FSHR: variants seen among roughly 807,000 people sequenced by gnomAD.
FSHR encodes follicle stimulating hormone receptor.
Under a neutral mutation model 52.1 loss-of-function variants are expected in FSHR, and 46 were observed. The observed-to-expected ratio is 0.88, with a 90% CI of 0.70 to 1.13. FSHR has a LOEUF of 1.13. Among genes scored for constraint, FSHR ranks in the 50% most tolerant of loss-of-function variants. The probability of loss-of-function intolerance (pLI) is 0.00; values close to 1 mark genes in which losing one functional copy is unlikely to be tolerated. For missense variants in FSHR, 964 were observed against 834.6 expected (o/e 1.16, Z -1.91); for synonymous variants, 399 against 309.6 (o/e 1.29, Z -3.03).
In FSHR at chr2:49,145,621, G is replaced by A. The variant is rs998218114; in HGVS notation, c.152+8645C>T. 2.6e-5 allele frequency among the ~76,000 whole-genome samples: 4 copies of A among 152,076 alleles called. No individual in the cohort carries two copies. The South Asian group carries it at 8.3e-4, about 32-fold the overall frequency. On this transcript the variant is annotated intron_variant, in intron 1 of 9. Coordinates refer to ENST00000406846, the MANE Select transcript of FSHR (RefSeq NM_000145.4). Reference sequence around the variant, plus strand: ...AATTAGTTGTCAAATTAGTGATTTCGACAATGACTATTCTGAGTTCTGAGA... The same window carrying A: ...AATTAGTTGTCAAATTAGTGATTTCAACAATGACTATTCTGAGTTCTGAGA...
chr2:49,049,566 C>T (rs185081100), intron 2 of FSHR, among the ~76,000 whole-genome samples: 211 of 152,138 alleles, frequency 1.4e-3, no homozygotes, highest in Non-Finnish European at 2.0e-3. Context: ...TGTGCTCTAC[C>T]AAGCAAGGGA....
At chr2:49,094,408 G>C (rs1242544334) in intron 1 of FSHR, among the ~76,000 whole-genome samples, 3 of 152,116 alleles carry the variant, frequency 2.0e-5, no homozygotes, top group African/African-American at 7.2e-5. Context: ...AGATATTGTA[G>C]ACATTTTGCC....
chr2:49,062,762 T>C (rs1669360935), intron 2 of FSHR, among the ~76,000 whole-genome samples: 1 of 152,024 alleles, frequency 6.6e-6, no homozygotes, highest in South Asian at 2.1e-4. Flanking sequence ...AATAGACATC[T>C]CTCAAAAGAA....
intron 2 of FSHR, among the ~76,000 whole-genome samples, chr2:49,066,463 G>A (rs535537627): frequency 5.3e-5 from 8 of 152,024 alleles, no homozygotes; most frequent in South Asian, 2.1e-4. Context: ...TGAGGAATAC[G>A]CAAGTCTCCT....
intron 9 of FSHR, 147 bp downstream of exon 9, chr2:48,968,551 C>G: frequency 1.1e-6 from 1 of 916,642 alleles, no homozygotes; most frequent in Non-Finnish European, 1.7e-6. Context: ...TCTCCATGAA[C>G]TGAATTTTTG....
intron 1 of FSHR, among the ~76,000 whole-genome samples, chr2:49,126,509 A>G (rs1672002252): frequency 6.6e-6 from 1 of 152,220 alleles, no homozygotes; most frequent in South Asian, 2.1e-4. Flanking sequence ...AGTTTCCAAC[A>G]CATAAACTTT....
intron 4 of FSHR, among the ~76,000 whole-genome samples, chr2:49,005,389 A>G (rs1667043050): frequency 6.6e-6 from 1 of 152,112 alleles, no homozygotes. Flanking sequence ...GATTACTGAT[A>G]AAAAAAGCAA....
chr2:48,989,806 C>A (rs188914880), intron 5 of FSHR, among the ~76,000 whole-genome samples: 1 of 152,102 alleles, frequency 6.6e-6, no homozygotes, highest in Non-Finnish European at 1.5e-5. Flanking sequence ...AGGAAACTCT[C>A]ATTTTCTGTT....
At chr2:49,034,422 C>A (rs550407789) in intron 2 of FSHR, among the ~76,000 whole-genome samples, 4 of 152,266 alleles carry the variant, frequency 2.6e-5, no homozygotes, top group Admixed American at 2.6e-4. Context: ...CCTGTGGATA[C>A]CTTTAGAGCA....
rs186900046 is a variant in FSHR, at chr2:49,137,618, A to G, written c.152+16648T>C. Among the ~76,000 whole-genome samples the G allele has an allele frequency of 8.5e-4, 129 of 152,264 alleles. 1 individual carries two copies. The highest frequency in any genetic ancestry group is 2.8e-3 in the African/African-American group (115 of 41,570). On this transcript the variant is annotated intron_variant, in intron 1 of 9. Coordinates refer to ENST00000406846, the MANE Select transcript of FSHR (RefSeq NM_000145.4). ...GAAATAGTAATGAAGAAAGTGTGAT[A>G]CTGACACAAGGATAGATATATAAGT... is the stretch of plus-strand genomic sequence containing the variant.
intron 4 of FSHR, among the ~76,000 whole-genome samples, chr2:49,015,605 C>T (rs2104204617): frequency 6.6e-6 from 1 of 152,236 alleles, no homozygotes; most frequent in African/African-American, 2.4e-5. Context: ...GAGGTGCATG[C>T]TTTTTCTGTT....
chr2:49,086,534 C>T (rs1013487207), intron 1 of FSHR, among the ~76,000 whole-genome samples: 21 of 152,358 alleles, frequency 1.4e-4, no homozygotes, highest in African/African-American at 4.3e-4. Context: ...ATTCTCACAT[C>T]TGGCTTCATT....
chr2:49,005,215 G>C (rs1175223064), intron 4 of FSHR, among the ~76,000 whole-genome samples: 1 of 152,104 alleles, frequency 6.6e-6, no homozygotes, highest in African/African-American at 2.4e-5. Flanking sequence ...AAGGTAAGCA[G>C]CATGAAAATG....
chr2:49,094,085 C>T (rs1031104416), intron 1 of FSHR, among the ~76,000 whole-genome samples: 13 of 151,796 alleles, frequency 8.6e-5, no homozygotes, highest in Admixed American at 2.0e-4. Flanking sequence ...TCCTTTCTTC[C>T]TTCTTTTGGA....
intron 4 of FSHR, among the ~76,000 whole-genome samples, chr2:48,994,602 A>G (rs955283737): frequency 2.2e-4 from 29 of 133,128 alleles, no homozygotes; most frequent in African/African-American, 7.7e-4. Flanking sequence ...TTTTCAATTC[A>G]TTTTTCCCCT....
At chr2:49,017,398 A>T in intron 4 of FSHR, 91 bp downstream of exon 4, 1 of 947,614 alleles carries the variant, frequency 1.1e-6, no homozygotes, top group Non-Finnish European at 1.7e-6. Flanking sequence ...ATCAAAAGTA[A>T]TTGCTCCCCA....
chr2:49,105,159 G>T (rs1271182423), intron 1 of FSHR, among the ~76,000 whole-genome samples: 2 of 152,086 alleles, frequency 1.3e-5, no homozygotes, highest in Non-Finnish European at 2.9e-5. Flanking sequence ...AAGTTTAAGT[G>T]TGTTTTCACC....
chr2:48,987,367 C>A (rs1224633546), intron 6 of FSHR, among the ~76,000 whole-genome samples: 1 of 151,552 alleles, frequency 6.6e-6, no homozygotes, highest in East Asian at 2.0e-4. Flanking sequence ...CCATGCCCAG[C>A]TAATTTTTTT....
At chr2:49,113,613 G>A (rs188614035) in intron 1 of FSHR, among the ~76,000 whole-genome samples, 30 of 152,082 alleles carry the variant, frequency 2.0e-4, no homozygotes, top group African/African-American at 3.9e-4. Context: ...ACTTTAACCC[G>A]TGAGAACAAC....
Sources: allele counts gnomAD v4.1 joint callset (sites outside exome capture counted in the v4.1 genomes callset), GRCh38; gene constraint gnomAD v4.1.1; transcripts MANE v1.5; gene names NCBI Gene and HGNC (gene_info 2026-07-23, HGNC 2026-07-21).